The following GALNTL6 variants were observed in gnomAD, a reference collection of about 807,000 sequenced individuals.
GALNTL6 encodes the protein polypeptide N-acetylgalactosaminyltransferase like 6, also known as polypeptide N-acetylgalactosaminyltransferase-like 6.
A neutral mutation model predicts 73.7 loss-of-function variants in GALNTL6; 46 were observed. The ratio of observed to expected loss-of-function variants is 0.62; its 90% CI spans 0.49 to 0.80. The LOEUF (loss-of-function observed/expected upper bound fraction) is 0.80. Ranked by LOEUF, GALNTL6 falls within the 30% of genes least tolerant of loss-of-function variation. The pLI is 0.00. For synonymous variants in GALNTL6, 259 were observed against 263.7 expected, an observed-to-expected ratio of 0.98 and a Z score of 0.17; for missense variants, 604 against 755.0, an observed-to-expected ratio of 0.80 and a Z score of 2.34.
At chr4:172,586,632 G>C (rs1472951800) in intron 5 of GALNTL6, among the ~76,000 whole-genome samples, 2 of 152,194 alleles carry the variant, frequency 1.3e-5, no homozygotes, top group Non-Finnish European at 2.9e-5. Flanking sequence ...AAACCAGTGA[G>C]ATTAGCACAA....
intron 4 of GALNTL6, among the ~76,000 whole-genome samples, chr4:172,341,815 C>T (rs1414746202): frequency 6.6e-6 from 1 of 152,114 alleles, no homozygotes; most frequent in African/African-American, 2.4e-5. Context: ...TTATAAATTG[C>T]CTAGTCTCGG....
At chr4:171,936,568 T>G (rs1476776880) in intron 2 of GALNTL6, among the ~76,000 whole-genome samples, 1 of 152,116 alleles carries the variant, frequency 6.6e-6, no homozygotes, top group African/African-American at 2.4e-5. Flanking sequence ...CAGTAATAAA[T>G]TACTTTGTGA....
At chr4:172,954,778 T>C (rs1446711258) in intron 10 of GALNTL6, among the ~76,000 whole-genome samples, 4 of 152,194 alleles carry the variant, frequency 2.6e-5, no homozygotes, top group African/African-American at 9.7e-5. Flanking sequence ...ACAGATTTTT[T>C]TTTCTTTTTT....
chr4:172,357,634 TACACACACACAC>T (rs5864129), intron 5 of GALNTL6, among the ~76,000 whole-genome samples: 7 of 145,840 alleles, frequency 4.8e-5, no homozygotes, highest in Admixed American at 2.1e-4. Flanking sequence ...TATAGATATA[TACACACACACAC>T]ACACACACAC....
chr4:172,701,615 C>T (rs565467795), intron 5 of GALNTL6, among the ~76,000 whole-genome samples: 1 of 151,968 alleles, frequency 6.6e-6, no homozygotes, highest in South Asian at 2.1e-4. Flanking sequence ...GGGCTGGTGG[C>T]GATTTCTAGT....
At chr4:172,186,488 A>T (rs557987832) in intron 2 of GALNTL6, among the ~76,000 whole-genome samples, 61 of 152,288 alleles carry the variant, frequency 4.0e-4, no homozygotes, top group African/African-American at 1.4e-3. Flanking sequence ...TAATCACAAT[A>T]GTCAAAGAGT....
At chr4:172,311,846 A>G in intron 4 of GALNTL6, 94 bp downstream of exon 4, 12 of 807,562 alleles carry the variant, frequency 1.5e-5, no homozygotes, top group Non-Finnish European at 2.0e-5. Flanking sequence ...GAGATATGTA[A>G]CCAAATATTT....
chr4:172,751,138 GCA>G (rs1157422442), intron 5 of GALNTL6, among the ~76,000 whole-genome samples: 1 of 152,132 alleles, frequency 6.6e-6, no homozygotes, highest in African/African-American at 2.4e-5. Flanking sequence ...TACCTTTTAC[GCA>G]TATGGAAGTG....
intron 7 of GALNTL6, 55 bp from the exon 8 acceptor site, chr4:172,882,735 T>C (rs1041406755): frequency 5.3e-6 from 6 of 1,135,518 alleles, no homozygotes; most frequent in Non-Finnish European, 1.3e-6. Context: ...CCAAGGAAAA[T>C]GCCATTGTCT....
At chr4:171,825,499 G>A (rs550374356) in intron 2 of GALNTL6, among the ~76,000 whole-genome samples, 4 of 152,190 alleles carry the variant, frequency 2.6e-5, no homozygotes, top group Non-Finnish European at 4.4e-5. Flanking sequence ...CTTAACTTAC[G>A]TAGAAACTTT....
At chr4:172,962,920 G>A (rs1244891994) in intron 10 of GALNTL6, among the ~76,000 whole-genome samples, 8 of 151,964 alleles carry the variant, frequency 5.3e-5, no homozygotes, top group Non-Finnish European at 8.8e-5. Context: ...GCCGCGCTTC[G>A]GTTTATTCTC....
intron 4 of GALNTL6, among the ~76,000 whole-genome samples, chr4:172,320,328 G>T (rs1301749199): frequency 2.0e-5 from 3 of 152,142 alleles, no homozygotes; most frequent in Admixed American, 2.0e-4. Context: ...TGTCTTTCCA[G>T]GAATGTTGGC....
chr4:172,417,836 A>G (rs1040541651), intron 5 of GALNTL6, among the ~76,000 whole-genome samples: 1 of 152,182 alleles, frequency 6.6e-6, no homozygotes, highest in African/African-American at 2.4e-5. Flanking sequence ...TGCTACAGCA[A>G]TAATTAAAAC....
At chr4:172,504,159 C>CAAAAAAAAAAAAAAAAA (rs775200126) in intron 5 of GALNTL6, among the ~76,000 whole-genome samples, 1 of 5,154 alleles carries the variant, frequency 1.9e-4, no homozygotes, top group African/African-American at 5.5e-4. Flanking sequence ...GACTCTGTCT[C>CAAAAAAAAAAAAAAAAA]AAAAAAAAAA....
intron 5 of GALNTL6, among the ~76,000 whole-genome samples, chr4:172,718,977 C>T (rs1696638565): frequency 6.6e-6 from 1 of 152,076 alleles, no homozygotes; most frequent in South Asian, 2.1e-4. Context: ...TTTAGCAACT[C>T]AATGAAACAC....
intron 2 of GALNTL6, among the ~76,000 whole-genome samples, chr4:172,167,937 G>C (rs1490488759): frequency 6.8e-6 from 1 of 146,378 alleles, no homozygotes; most frequent in Non-Finnish European, 1.5e-5. Context: ...CCGCAGTCCG[G>C]CCTGGGCAAC....
At chr4:171,854,240 C>T (rs1735617016) in intron 2 of GALNTL6, among the ~76,000 whole-genome samples, 1 of 152,148 alleles carries the variant, frequency 6.6e-6, no homozygotes, top group Non-Finnish European at 1.5e-5. Flanking sequence ...ATCCTTTCTC[C>T]TTGTGAGTAT....
In GALNTL6 at chr4:172,345,043, G is replaced by A. The variant is rs529373895; in HGVS notation, c.387-3480G>A. Among the ~76,000 whole-genome samples the A allele has an allele frequency of 1.9e-4, 28 of 150,882 alleles. 1 individual carries two copies. Among genetic ancestry groups the A allele is most frequent in the African/African-American group, 5.3e-4 (22 of 41,154 alleles). ...TTAGATATGATGCTATATGAAGTAC[G>A]TTACATAGATGTCCCAATTAATTCT... On this transcript the variant is annotated intron_variant, in intron 4 of 12. Transcript: ENST00000506823.
At chr4:172,787,810 A>G (rs1739746016) in intron 5 of GALNTL6, among the ~76,000 whole-genome samples, 1 of 152,178 alleles carries the variant, frequency 6.6e-6, no homozygotes, top group Non-Finnish European at 1.5e-5. Flanking sequence ...GTTCGGTGAG[A>G]CACATTTTAG....
Sources: allele counts gnomAD v4.1 joint callset (sites outside exome capture counted in the v4.1 genomes callset), GRCh38; gene constraint gnomAD v4.1.1; transcripts MANE v1.5; gene names NCBI Gene and HGNC (gene_info 2026-07-23, HGNC 2026-07-21).